CRPPA: variants seen among roughly 807,000 people sequenced by gnomAD.
CRPPA encodes CDP-L-ribitol pyrophosphorylase A, also known as D-ribitol-5-phosphate cytidylyltransferase.
In CRPPA, 43 loss-of-function variants were observed where a neutral mutation model predicts 52.0. The ratio of observed to expected loss-of-function variants is 0.83; its 90% CI spans 0.65 to 1.07. The LOEUF is 1.07. Among genes scored for constraint, CRPPA ranks in the 50% least tolerant of loss-of-function variants. The pLI is 0.00. For synonymous variants in CRPPA, 250 were observed against 203.5 expected (o/e 1.23, Z -1.94); for missense variants, 629 against 551.7 (o/e 1.14, Z -1.40).
At chr7:16,237,824 G>A (rs1782991754) in intron 8 of CRPPA, among the ~76,000 whole-genome samples, 1 of 152,118 alleles carries the variant, frequency 6.6e-6, no homozygotes. Context: ...CACACTCAGT[G>A]GCTCTTTCTA....
At chr7:16,409,520 A>T (rs1335087268) in intron 1 of CRPPA, among the ~76,000 whole-genome samples, 1 of 152,244 alleles carries the variant, frequency 6.6e-6, no homozygotes, top group Non-Finnish European at 1.5e-5. Context: ...CCTGGGTACC[A>T]GGTGGAGCTT....
At chr7:16,271,000 A>G (rs1784077833) in intron 6 of CRPPA, among the ~76,000 whole-genome samples, 1 of 152,074 alleles carries the variant, frequency 6.6e-6, no homozygotes, top group African/African-American at 2.4e-5. Context: ...TTGAGGGCAT[A>G]AGGGAAAAAA....
intron 8 of CRPPA, among the ~76,000 whole-genome samples, chr7:16,254,180 C>T (rs1583468696): frequency 6.6e-6 from 1 of 152,132 alleles, no homozygotes; most frequent in East Asian, 1.9e-4. Flanking sequence ...GACAGTGTGG[C>T]AATTCCTCAA....
chr7:16,201,514 G>A (rs996493736), intron 9 of CRPPA, among the ~76,000 whole-genome samples: 6 of 152,124 alleles, frequency 3.9e-5, no homozygotes, highest in Admixed American at 3.3e-4. Flanking sequence ...CTCACAGATG[G>A]CTACCCACTT....
intron 9 of CRPPA, among the ~76,000 whole-genome samples, chr7:16,137,188 AAAG>A (rs1782778935): frequency 6.6e-6 from 1 of 152,220 alleles, no homozygotes; most frequent in Admixed American, 6.5e-5. Flanking sequence ...TATGCTGCTT[AAAG>A]AAGCTCCAGA....
intron 6 of CRPPA, among the ~76,000 whole-genome samples, chr7:16,260,174 A>T (rs1325178478): frequency 6.6e-6 from 1 of 152,100 alleles, no homozygotes; most frequent in African/African-American, 2.4e-5. Flanking sequence ...TCCTTCATGT[A>T]TTCAAACATT....
chr7:16,319,369 T>G (rs1282825543), intron 3 of CRPPA, among the ~76,000 whole-genome samples: 1 of 152,130 alleles, frequency 6.6e-6, no homozygotes, highest in East Asian at 1.9e-4. Flanking sequence ...CTGCCAGTCA[T>G]TCAGCCATCA....
At chr7:16,296,486 C>A (rs144245859) in intron 5 of CRPPA, among the ~76,000 whole-genome samples, 23 of 152,052 alleles carry the variant, frequency 1.5e-4, no homozygotes, top group African/African-American at 5.1e-4. Flanking sequence ...TTTTCTAGCA[C>A]CTGAAAACAA....
chr7:16,229,155 T>C (rs1214971019), intron 8 of CRPPA, among the ~76,000 whole-genome samples: 2 of 152,030 alleles, frequency 1.3e-5, no homozygotes, highest in African/African-American at 2.4e-5. Flanking sequence ...ATCCCTTCAC[T>C]TTCAGTTTGT....
chr7:16,226,260 A>G (rs1034315003), intron 8 of CRPPA, among the ~76,000 whole-genome samples: 4 of 151,960 alleles, frequency 2.6e-5, no homozygotes, highest in Non-Finnish European at 5.9e-5. Flanking sequence ...TAAAAATGTG[A>G]AAATATATGA....
chr7:16,411,021 C>T (rs1280374325), intron 1 of CRPPA, among the ~76,000 whole-genome samples: 1 of 152,168 alleles, frequency 6.6e-6, no homozygotes, highest in Non-Finnish European at 1.5e-5. Context: ...ACTAGGCTGC[C>T]AACTCATAGA....
intron 9 of CRPPA, among the ~76,000 whole-genome samples, chr7:16,189,395 G>C (rs1473478836): frequency 6.6e-6 from 1 of 152,050 alleles, no homozygotes; most frequent in Non-Finnish European, 1.5e-5. Flanking sequence ...CAGAATGTAC[G>C]GTGATTTCTA....
chr7:16,104,688 C>A lies in CRPPA; in HGVS notation c.1252-12889G>T, dbSNP rs118102866. On this transcript the variant is annotated intron_variant, in intron 9 of 9. Transcript: ENST00000407010. ...GGCCAAGGTGGGCAGATCACGAGGT[C>A]AGGGGATCAAGACCAACCTGGTCAA... Among the ~76,000 whole-genome samples, 220 of 152,226 alleles carry A rather than the reference C, an allele frequency of 1.4e-3. No individual in the cohort carries two copies. In the East Asian group the frequency reaches 0.021, roughly 14 times the overall value.
At chr7:16,269,640 T>C (rs1045161552) in intron 6 of CRPPA, 2 of 152,168 alleles carry the variant, frequency 1.3e-5, no homozygotes, top group East Asian at 1.9e-4. Flanking sequence ...AGTTTTCCAG[T>C]AACAAGATAA....
intron 3 of CRPPA, among the ~76,000 whole-genome samples, chr7:16,313,585 G>T (rs1235873118): frequency 6.6e-6 from 1 of 151,746 alleles, no homozygotes; most frequent in Non-Finnish European, 1.5e-5. Context: ...TTAATCTGCT[G>T]TTCTTTTTCT....
intron 3 of CRPPA, among the ~76,000 whole-genome samples, chr7:16,344,434 T>C (rs1470174595): frequency 6.9e-6 from 1 of 145,840 alleles, no homozygotes; most frequent in Non-Finnish European, 1.5e-5. Context: ...AAATTAGCTA[T>C]GTATGGTGGC....
At chr7:16,178,744 C>T (rs75677732) in intron 9 of CRPPA, among the ~76,000 whole-genome samples, 7,559 of 151,982 alleles carry the variant, frequency 0.05, 252 homozygotes, top group Non-Finnish European at 0.079. Flanking sequence ...ATAGAAGATA[C>T]ATAAATCTAC....
At chr7:16,204,578 C>T (rs745776160) in intron 9 of CRPPA, among the ~76,000 whole-genome samples, 1 of 152,092 alleles carries the variant, frequency 6.6e-6, no homozygotes, top group Non-Finnish European at 1.5e-5. Context: ...CACTACACAA[C>T]ATACGCATGT....
At chr7:16,235,301 A>T (rs529006079) in intron 8 of CRPPA, among the ~76,000 whole-genome samples, 1 of 151,674 alleles carries the variant, frequency 6.6e-6, no homozygotes, top group Non-Finnish European at 1.5e-5. Flanking sequence ...GGATAAAAAC[A>T]CGTAAGTCAG....
Sources: allele counts gnomAD v4.1 joint callset (sites outside exome capture counted in the v4.1 genomes callset), GRCh38; gene constraint gnomAD v4.1.1; transcripts MANE v1.5; gene names NCBI Gene and HGNC (gene_info 2026-07-23, HGNC 2026-07-21).